DRD2: variants seen among roughly 807,000 people sequenced by gnomAD.
DRD2 encodes the protein D(2) dopamine receptor.
In DRD2, 8 loss-of-function variants were observed where a neutral mutation model predicts 38.0. The ratio of observed to expected loss-of-function variants is 0.21; its 90% CI spans 0.12 to 0.38. The LOEUF (loss-of-function observed/expected upper bound fraction) is 0.38, where lower values mean the gene tolerates loss of function less well. Among genes scored for constraint, DRD2 ranks in the 10% least tolerant of loss-of-function variants. DRD2 has a pLI of 1.00. For missense variants in DRD2, 403 were observed against 607.7 expected, an observed-to-expected ratio of 0.66 and a Z score of 3.54; for synonymous variants, 230 against 238.6, an observed-to-expected ratio of 0.96 and a Z score of 0.33.
chr11:113,415,614 G>A lies in DRD2; in HGVS notation c.533-3C>T, dbSNP rs761671516. 7 of 1,610,510 alleles carry A rather than the reference G, an allele frequency of 4.3e-6. No individual in the cohort carries two copies. The East Asian group carries it at 1.6e-4, about 36-fold the overall frequency. ...GGCAATGATGCACTCGTTCTGGTCT[G>A]GGGGAGGGAGAGCCCGGGCAGGCAG... On this transcript the variant is annotated splice_polypyrimidine_tract_variant and splice_region_variant and intron_variant, in intron 4 of 7. Transcript: ENST00000362072.
chr11:113,472,301 C>T (rs57527113), intron 1 of DRD2, among the ~76,000 whole-genome samples: 2,630 of 152,326 alleles, frequency 0.017, 85 homozygotes, highest in African/African-American at 0.06. Context: ...AGAGTCCCCA[C>T]GTCTTTCCCC....
At chr11:113,459,496 T>A (rs2041645050) in intron 1 of DRD2, among the ~76,000 whole-genome samples, 1 of 152,164 alleles carries the variant, frequency 6.6e-6, no homozygotes, top group South Asian at 2.1e-4. Context: ...GAACTGAGAC[T>A]AGAACCTAAG....
intron 1 of DRD2, among the ~76,000 whole-genome samples, chr11:113,432,905 T>G (rs1393236233): frequency 6.6e-6 from 1 of 152,226 alleles, no homozygotes; most frequent in Non-Finnish European, 1.5e-5. Flanking sequence ...AGAGAGTTAC[T>G]GAATAACACT....
chr11:113,447,086 C>T (rs1307990096), intron 1 of DRD2, among the ~76,000 whole-genome samples: 3 of 150,332 alleles, frequency 2.0e-5, no homozygotes, highest in Non-Finnish European at 4.5e-5. Flanking sequence ...ACTTGGGATC[C>T]TCTAGCATGT....
At chr11:113,440,168 C>T (rs1269046978) in intron 1 of DRD2, among the ~76,000 whole-genome samples, 1 of 152,162 alleles carries the variant, frequency 6.6e-6, no homozygotes, top group Admixed American at 6.5e-5. Context: ...CTCGCCTCGC[C>T]CAGATACCTA....
intron 1 of DRD2, among the ~76,000 whole-genome samples, chr11:113,452,463 T>TGCGC (rs1555167757): frequency 3.3e-5 from 3 of 89,668 alleles, no homozygotes; most frequent in African/African-American, 7.4e-5. Flanking sequence ...TGTGTGTGTG[T>TGCGC]GTGTGTGCGC....
intron 6 of DRD2, chr11:113,413,299 C>T (rs780019409): frequency 1.8e-6 from 1 of 543,546 alleles, no homozygotes; most frequent in Non-Finnish European, 3.6e-6. Context: ...TTCTCCCTGT[C>T]AAACAAGGGG....
intron 1 of DRD2, among the ~76,000 whole-genome samples, chr11:113,463,962 C>A (rs142990868): frequency 6.6e-6 from 1 of 152,280 alleles, no homozygotes; most frequent in Non-Finnish European, 1.5e-5. Context: ...CTGGAGCATT[C>A]TGGCAGAGAA....
At chr11:113,413,340 C>T in intron 6 of DRD2, 1 of 528,200 alleles carries the variant, frequency 1.9e-6, no homozygotes, top group Non-Finnish European at 3.8e-6. Context: ...GGTACCTGCA[C>T]CTGCGTACAC....
intron 1 of DRD2, among the ~76,000 whole-genome samples, chr11:113,468,280 A>C (rs1951388971): frequency 1.3e-5 from 2 of 152,210 alleles, no homozygotes; most frequent in Non-Finnish European, 2.9e-5. Flanking sequence ...TCCAGAGCCC[A>C]CAGGTTTAAC....
chr11:113,412,212 G>A (rs1453114416), intron 7 of DRD2: 1 of 392,932 alleles, frequency 2.5e-6, no homozygotes, highest in Non-Finnish European at 4.8e-6. Flanking sequence ...CAGATGAGGA[G>A]CCTAGAGAGA....
At chr11:113,468,130 T>C (rs1951387725) in intron 1 of DRD2, among the ~76,000 whole-genome samples, 2 of 152,198 alleles carry the variant, frequency 1.3e-5, no homozygotes, top group Admixed American at 1.3e-4. Context: ...ATTACCTTAA[T>C]TAATTACTGT....
At chr11:113,421,429 A>G (rs1030386941) in intron 2 of DRD2, among the ~76,000 whole-genome samples, 2 of 152,210 alleles carry the variant, frequency 1.3e-5, no homozygotes, top group African/African-American at 4.8e-5. Flanking sequence ...ATATTTGTTC[A>G]TCTTCTCAAT....
At chr11:113,448,368 G>A (rs1371777418) in intron 1 of DRD2, among the ~76,000 whole-genome samples, 1 of 152,118 alleles carries the variant, frequency 6.6e-6, no homozygotes, top group East Asian at 1.9e-4. Flanking sequence ...ATGCACGGTG[G>A]CTGAAAACCA....
intron 1 of DRD2, among the ~76,000 whole-genome samples, chr11:113,450,541 A>G (rs1951201311): frequency 6.6e-6 from 1 of 152,236 alleles, no homozygotes; most frequent in Non-Finnish European, 1.5e-5. Flanking sequence ...CAGCAGAGCC[A>G]AAGCAGTTAA....
intron 1 of DRD2, among the ~76,000 whole-genome samples, chr11:113,464,850 G>A (rs117317480): frequency 0.027 from 4,148 of 152,128 alleles, 81 homozygotes; most frequent in Non-Finnish European, 0.044. Context: ...CACTTTTACC[G>A]ATATCCTTAA....
intron 1 of DRD2, among the ~76,000 whole-genome samples, chr11:113,433,546 G>A (rs1025901397): frequency 2.0e-5 from 3 of 152,114 alleles, no homozygotes; most frequent in African/African-American, 7.2e-5. Context: ...CTTCTCCCCC[G>A]GCATGGGGAG....
intron 1 of DRD2, among the ~76,000 whole-genome samples, chr11:113,472,479 T>A (rs916269888): frequency 6.6e-6 from 1 of 152,234 alleles, no homozygotes; most frequent in African/African-American, 2.4e-5. Flanking sequence ...TTCTCCTATA[T>A]CATTCTCAAG....
intron 6 of DRD2, 106 bp downstream of exon 6, chr11:113,414,269 G>T (rs1950799726): frequency 9.5e-7 from 1 of 1,049,390 alleles, no homozygotes; most frequent in Non-Finnish European, 1.5e-6. Flanking sequence ...GGGGGTTTCT[G>T]GGGTGCTTCT....
Sources: allele counts gnomAD v4.1 joint callset (sites outside exome capture counted in the v4.1 genomes callset), GRCh38; gene constraint gnomAD v4.1.1; transcripts MANE v1.5; gene names NCBI Gene and HGNC (gene_info 2026-07-23, HGNC 2026-07-21).